IPO8: variants seen among roughly 807,000 people sequenced by gnomAD.
IPO8 encodes importin-8.
A neutral mutation model predicts 141.2 loss-of-function variants in IPO8; 65 were observed. The observed-to-expected ratio is 0.46, with a 90% CI of 0.38 to 0.57. The LOEUF is 0.57. Among genes scored for constraint, IPO8 ranks in the 20% least tolerant of loss-of-function variants. IPO8 has a pLI of 0.00. For synonymous variants in IPO8, 411 were observed against 420.3 expected, an observed-to-expected ratio of 0.98 and a Z score of 0.27; for missense variants, 980 against 1,246.8, an observed-to-expected ratio of 0.79 and a Z score of 3.22.
chr12:30,677,043 C>A (rs1293340029), intron 5 of IPO8: 13 of 1,524,590 alleles, frequency 8.5e-6, no homozygotes, highest in Non-Finnish European at 9.6e-6. Flanking sequence ...ATATATGGCT[C>A]ACCTCTGCTG....
At chr12:30,644,342 G>A (rs2052612557) in intron 20 of IPO8, among the ~76,000 whole-genome samples, 1 of 149,934 alleles carries the variant, frequency 6.7e-6, no homozygotes, top group Admixed American at 6.6e-5. Context: ...TTGCACTCCA[G>A]CCTAGGCAAA....
Position 30,637,041 on chromosome 12 carries a change from C to A in IPO8, c.2636G>T (p.Arg879Ile), listed in dbSNP as rs61751231. ...FLGLKQVCAT[R>I]QLVNREDRSK... ...ACGATCTTCCCGGTTTACCAGTTGT[C>A]TAGTAGCACAGACCTGCTTTAGGCC... The change falls in exon 22 of 25, where the codon AGA (arginine) becomes ATA (isoleucine). Residue 879 changes from arginine to isoleucine, a missense_variant. Around this residue, in one of 3 missense-constraint regions of IPO8, gnomAD observed 924 missense variants for 1,153.9 expected, o/e 0.80. Transcript: ENST00000256079. 6.2e-7 allele frequency: 1 copy of A among 1,614,014 alleles called. No homozygotes were observed. The highest frequency in any genetic ancestry group is 2.2e-5 in the East Asian group (1 of 44,868).
intron 5 of IPO8, chr12:30,677,106 C>T: frequency 6.7e-7 from 1 of 1,493,864 alleles, no homozygotes; most frequent in Non-Finnish European, 8.9e-7. Context: ...CAGTACAAAA[C>T]ATGCTACATG....
At chr12:30,656,641 A>T (rs760053880) in intron 17 of IPO8, 43 bp downstream of exon 17, 3 of 1,241,396 alleles carry the variant, frequency 2.4e-6, no homozygotes, top group Non-Finnish European at 3.4e-6. Context: ...TCAAATTTTT[A>T]AAATTTTTTC....
chr12:30,682,706 T>C (rs2053201405), intron 3 of IPO8, among the ~76,000 whole-genome samples: 1 of 152,054 alleles, frequency 6.6e-6, no homozygotes, highest in Non-Finnish European at 1.5e-5. Context: ...TTGGCAAAAT[T>C]AGGATTCCAC....
intron 5 of IPO8, among the ~76,000 whole-genome samples, chr12:30,678,876 G>A (rs755988377): frequency 1.3e-5 from 2 of 152,140 alleles, no homozygotes; most frequent in East Asian, 3.9e-4. Flanking sequence ...GTCTCGCTCT[G>A]TCACCCAGGC....
Position 30,694,740 on chromosome 12 carries a change from C to T in IPO8, c.84+824G>A, listed in dbSNP as rs140785897. Among the ~76,000 whole-genome samples the T allele has an allele frequency of 2.0e-5, 3 of 152,298 alleles. No homozygotes were observed. The East Asian group carries it at 5.8e-4, about 29-fold the overall frequency. Reference sequence around the variant, plus strand: ...TTTTACAAGTCATCACAACCTAAAACAGCTGTTGCTCCATCCCAGTGGTAG... The same window carrying T: ...TTTTACAAGTCATCACAACCTAAAATAGCTGTTGCTCCATCCCAGTGGTAG... On this transcript the variant is annotated intron_variant, in intron 1 of 24. Coordinates refer to ENST00000256079, the MANE Select transcript of IPO8 (RefSeq NM_006390.4).
intron 19 of IPO8, 64 bp downstream of exon 19, chr12:30,652,115 ACTGAAAAAGTATC>A: frequency 1.3e-6 from 1 of 746,784 alleles, no homozygotes; most frequent in Non-Finnish European, 2.3e-6. Flanking sequence ...TAAGAAACAA[ACTGAAAAAGTATC>A]CTGAAGCAAA....
At chr12:30,674,583 G>T in intron 7 of IPO8, 76 bp downstream of exon 7, 1 of 1,067,520 alleles carries the variant, frequency 9.4e-7, no homozygotes, top group Non-Finnish European at 1.5e-6. Context: ...GCTCTCGGTG[G>T]CTCTAAAGAC....
chr12:30,639,729 G>A lies in IPO8; in HGVS notation c.2275C>T (p.Pro759Ser). Residue 759 changes from proline (P) to serine (S), a missense_variant, in exon 21 of 25, where the codon CCA becomes TCA. Pro to Ser is a moderately conservative substitution (Grantham distance 74). Coordinates refer to ENST00000256079, the MANE Select transcript of IPO8 (RefSeq NM_006390.4). ...TCCAAAACAAGTTGAACGAAGAGTG[G>A]AATGCACTAGAAGACAAGCAAAAGA... The part of the protein sequence containing the change: ...CKGRGIDQCI[P>S]LFVQLVLERL... 1.9e-6 allele frequency: 3 copies of A among 1,613,186 alleles called. No homozygotes were observed.
intron 2 of IPO8, among the ~76,000 whole-genome samples, chr12:30,685,209 G>T (rs1318671222): frequency 6.7e-6 from 1 of 149,982 alleles, no homozygotes; most frequent in Non-Finnish European, 1.5e-5. Context: ...GCAAGATCTT[G>T]GCTCACTGCA....
intron 5 of IPO8, 192 bp from the exon 6 acceptor site, chr12:30,676,779 G>T (rs1000477793): frequency 5.1e-5 from 42 of 819,680 alleles, no homozygotes; most frequent in Non-Finnish European, 7.4e-5. Context: ...AAATTTAGAA[G>T]ACTACCTGCC....
intron 23 of IPO8, among the ~76,000 whole-genome samples, chr12:30,632,636 C>T (rs1469924581): frequency 6.6e-6 from 1 of 152,176 alleles, no homozygotes; most frequent in East Asian, 1.9e-4. Flanking sequence ...CTGTATGCTG[C>T]TTTCCATCAA....
intron 2 of IPO8, among the ~76,000 whole-genome samples, chr12:30,688,917 T>A (rs2053266710): frequency 6.6e-6 from 1 of 152,086 alleles, no homozygotes; most frequent in Non-Finnish European, 1.5e-5. Flanking sequence ...TGACACTCAT[T>A]TAGCATTGCT....
intron 16 of IPO8, among the ~76,000 whole-genome samples, chr12:30,660,763 G>T (rs1443203258): frequency 1.3e-5 from 2 of 152,002 alleles, no homozygotes; most frequent in Non-Finnish European, 2.9e-5. Context: ...TGATTGAACT[G>T]CTGTCTGTCA....
chr12:30,659,445 C>T (rs1173043239), intron 16 of IPO8, among the ~76,000 whole-genome samples: 1 of 151,258 alleles, frequency 6.6e-6, no homozygotes, highest in Non-Finnish European at 1.5e-5. Context: ...TCACTGCACT[C>T]CGGCCTGGGC....
Position 30,665,305 on chromosome 12 carries a change from C to T in IPO8, c.1343G>A (p.Ser448Asn), listed in dbSNP as rs2052946982. The T allele has an allele frequency of 1.9e-6, 3 of 1,554,508 alleles. No individual in the cohort carries two copies. The highest frequency in any genetic ancestry group is 3.5e-5 in the Admixed American group (2 of 57,058). The stretch of plus-strand genomic sequence containing the variant: ...CAGCTCCATTTGGTCCTTGAATAAA[C>T]TCTTCTATTAGGAAACAAATTTCAA... ...GSLAEILLKK[S>N]LFKDQMELFL... Residue 448 changes from serine (S) to asparagine (N), a missense_variant, in exon 13 of 25, where the codon AGT becomes AAT. By Grantham distance (46) the Ser-to-Asn change is conservative. This residue lies in a region of IPO8 where 924 missense variants were observed against 1,153.9 expected (regional missense o/e 0.80). Transcript: ENST00000256079.
intron 9 of IPO8, among the ~76,000 whole-genome samples, chr12:30,669,741 G>A (rs1426818362): frequency 2.7e-5 from 4 of 149,054 alleles, no homozygotes; most frequent in Non-Finnish European, 4.4e-5. Context: ...AGTCCAGCCT[G>A]TGCAACAGAG....
intron 8 of IPO8, among the ~76,000 whole-genome samples, chr12:30,673,255 T>C (rs747166197): frequency 3.9e-5 from 6 of 152,004 alleles, no homozygotes; most frequent in Non-Finnish European, 8.8e-5. Context: ...TGAGACTCCA[T>C]CTCAAAAAAA....
Sources: allele counts gnomAD v4.1 joint callset (sites outside exome capture counted in the v4.1 genomes callset), GRCh38; gene constraint gnomAD v4.1.1; regional missense constraint gnomAD v4.1.1; transcripts MANE v1.5; gene names NCBI Gene and HGNC (gene_info 2026-07-23, HGNC 2026-07-21).